Variants in ZBTB20 observed in about 807,000 individuals in gnomAD.
ZBTB20 encodes zinc finger and BTB domain containing 20.
In ZBTB20, 9 loss-of-function variants were observed where a neutral mutation model predicts 56.9. The ratio of observed to expected loss-of-function variants is 0.16; its 90% CI spans 0.10 to 0.28. The LOEUF is 0.28. Among genes scored for constraint, ZBTB20 ranks in the 10% least tolerant of loss-of-function variants. ZBTB20 has a pLI of 1.00. For missense variants in ZBTB20, 655 were observed against 1,003.0 expected (o/e 0.65, Z 4.69); for synonymous variants, 417 against 420.7 (o/e 0.99, Z 0.11).
intron 6 of ZBTB20, among the ~76,000 whole-genome samples, chr3:114,559,732 G>A (rs1240390141): frequency 6.6e-6 from 1 of 152,156 alleles, no homozygotes; most frequent in Non-Finnish European, 1.5e-5. Context: ...TCCTATCACT[G>A]GCTGAGTAGA....
At chr3:114,447,742 T>C (rs2091354233) in intron 7 of ZBTB20, among the ~76,000 whole-genome samples, 1 of 152,158 alleles carries the variant, frequency 6.6e-6, no homozygotes, top group Non-Finnish European at 1.5e-5. Flanking sequence ...CTGAATCAGT[T>C]AGATCATAGT....
At chr3:114,701,234 T>G (rs1259177406) in intron 5 of ZBTB20, among the ~76,000 whole-genome samples, 3 of 152,224 alleles carry the variant, frequency 2.0e-5, no homozygotes, top group African/African-American at 7.2e-5. Context: ...TTCTGTTTGT[T>G]AACTCATTAT....
At chr3:115,141,860 T>C (rs1005881998) in intron 1 of ZBTB20, among the ~76,000 whole-genome samples, 3 of 152,164 alleles carry the variant, frequency 2.0e-5, no homozygotes, top group African/African-American at 7.2e-5. Context: ...ATTAATAAAC[T>C]TAGTCATGCT....
At chr3:114,851,363 G>C (rs981882469) in intron 4 of ZBTB20, among the ~76,000 whole-genome samples, 2 of 152,124 alleles carry the variant, frequency 1.3e-5, no homozygotes, top group Non-Finnish European at 2.9e-5. Context: ...TGGTAGCCCA[G>C]AAACTTTCTG....
At chr3:114,956,510 T>C (rs998219026) in intron 3 of ZBTB20, among the ~76,000 whole-genome samples, 3 of 152,152 alleles carry the variant, frequency 2.0e-5, no homozygotes, top group Non-Finnish European at 4.4e-5. Flanking sequence ...AACCTTTCCC[T>C]CCCTCAGCTG....
At chr3:114,903,566 A>C (rs932916354) in intron 3 of ZBTB20, among the ~76,000 whole-genome samples, 14 of 152,066 alleles carry the variant, frequency 9.2e-5, no homozygotes, top group African/African-American at 3.1e-4. Context: ...AGTAATAGCC[A>C]CAATAACAAT....
At chr3:114,932,492 A>G (rs1482571258) in intron 3 of ZBTB20, among the ~76,000 whole-genome samples, 1 of 152,210 alleles carries the variant, frequency 6.6e-6, no homozygotes, top group African/African-American at 2.4e-5. Flanking sequence ...GATATTATCA[A>G]TCCCTAGGCC....
intron 6 of ZBTB20, among the ~76,000 whole-genome samples, chr3:114,632,802 A>T (rs1419230610): frequency 6.6e-6 from 1 of 152,200 alleles, no homozygotes; most frequent in Non-Finnish European, 1.5e-5. Context: ...AAGACTTAAG[A>T]ATCACCTGAA....
intron 1 of ZBTB20, among the ~76,000 whole-genome samples, chr3:115,080,074 A>G (rs2082743091): frequency 6.6e-6 from 1 of 152,162 alleles, no homozygotes; most frequent in African/African-American, 2.4e-5. Context: ...TAATGCCACT[A>G]GCAGATGGGG....
intron 5 of ZBTB20, among the ~76,000 whole-genome samples, chr3:114,767,791 A>G (rs1377736513): frequency 1.3e-5 from 2 of 152,176 alleles, no homozygotes; most frequent in East Asian, 3.9e-4. Flanking sequence ...AAGGGGAAAA[A>G]AGGAAAATTT....
intron 3 of ZBTB20, among the ~76,000 whole-genome samples, chr3:114,901,458 G>A (rs1484293508): frequency 6.6e-6 from 1 of 151,942 alleles, no homozygotes; most frequent in African/African-American, 2.4e-5. Context: ...ATGGGAATGT[G>A]GATTACAAAA....
At chr3:114,590,102 CATATTTTTTTAACAAAGCACTGAACA>C (rs2055587358) in intron 6 of ZBTB20, among the ~76,000 whole-genome samples, 1 of 152,128 alleles carries the variant, frequency 6.6e-6, no homozygotes, top group Admixed American at 6.6e-5. Flanking sequence ...AAGTCTACTG[CATATTTTTTTAACAAAGCACTGAACA>C]ATAAGCTTTA....
At chr3:114,524,113 G>A (rs1454173011) in intron 6 of ZBTB20, among the ~76,000 whole-genome samples, 4 of 152,130 alleles carry the variant, frequency 2.6e-5, no homozygotes, top group Non-Finnish European at 5.9e-5. Context: ...TAAAATCATT[G>A]TCCATGGAAT....
intron 2 of ZBTB20, among the ~76,000 whole-genome samples, chr3:115,028,582 G>A (rs2080525359): frequency 6.7e-6 from 1 of 150,140 alleles, no homozygotes; most frequent in Non-Finnish European, 1.5e-5. Context: ...TATTAATATA[G>A]ATAATTTTGC....
In ZBTB20 at chr3:114,809,975, G is replaced by A. The variant is rs1171465655; in HGVS notation, c.-416-8801C>T. On this transcript the variant is annotated intron_variant, in intron 4 of 11. Transcript: ENST00000675478. ...GTGTAATTTCCATTTTCGTTTTTGAGCTGGGACTTTCCCCTGTGTTAACAC... is the reference window on the plus strand; with the variant it reads ...GTGTAATTTCCATTTTCGTTTTTGAACTGGGACTTTCCCCTGTGTTAACAC... Among the ~76,000 whole-genome samples, 3 of 152,132 alleles carry A rather than the reference G, an allele frequency of 2.0e-5. No individual in the cohort carries two copies. The East Asian group carries it at 5.8e-4, about 29-fold the overall frequency.
intron 11 of ZBTB20, among the ~76,000 whole-genome samples, chr3:114,341,626 T>C (rs1000109828): frequency 1.3e-5 from 2 of 152,266 alleles, no homozygotes; most frequent in South Asian, 2.1e-4. Context: ...TGTCTATAAA[T>C]TGATTCCTCA....
At chr3:115,122,703 T>C (rs1435345470) in intron 1 of ZBTB20, among the ~76,000 whole-genome samples, 1 of 152,100 alleles carries the variant, frequency 6.6e-6, no homozygotes, top group Non-Finnish European at 1.5e-5. Flanking sequence ...TTCATCTTTC[T>C]GACCATACAT....
intron 6 of ZBTB20, among the ~76,000 whole-genome samples, chr3:114,684,999 T>C (rs1464803660): frequency 1.3e-5 from 2 of 152,136 alleles, no homozygotes; most frequent in African/African-American, 2.4e-5. Context: ...GCTCTTTCCA[T>C]CTTATATCCC....
chr3:114,803,393 T>C (rs1024304872), intron 4 of ZBTB20, among the ~76,000 whole-genome samples: 10 of 151,848 alleles, frequency 6.6e-5, no homozygotes, highest in African/African-American at 2.4e-4. Flanking sequence ...ATACCTAACC[T>C]CAAATAGGAC....
Sources: gnomAD v4.1 joint callset for allele counts (sites outside exome capture counted in the v4.1 genomes callset) on GRCh38, gnomAD v4.1.1 for gene constraint, MANE v1.5 for transcripts, NCBI Gene and HGNC (gene_info 2026-07-23, HGNC 2026-07-21) for gene names.